The following UNC5D variants were observed in gnomAD, a reference collection of about 807,000 sequenced individuals.
The protein encoded by UNC5D is netrin receptor UNC5D.
UNC5D carries 39 observed loss-of-function variants against 105.4 expected under a neutral mutation model. The observed-to-expected ratio is 0.37, with a 90% CI of 0.29 to 0.48. The LOEUF (loss-of-function observed/expected upper bound fraction) is 0.48. UNC5D is among the 20% of genes least tolerant of loss of function. UNC5D has a pLI of 0.98. For missense variants in UNC5D, 991 were observed against 1,202.4 expected (o/e 0.82, Z 2.60); for synonymous variants, 452 against 450.4 (o/e 1.00, Z -0.04).
chr8:35,265,707 A>C (rs981580446), intron 1 of UNC5D, among the ~76,000 whole-genome samples: 3 of 151,920 alleles, frequency 2.0e-5, no homozygotes, highest in Non-Finnish European at 2.9e-5. Context: ...CTTCTCTACT[A>C]AAAATACAAA....
intron 8 of UNC5D, among the ~76,000 whole-genome samples, chr8:35,719,920 A>AT (rs1828484536): frequency 6.6e-6 from 1 of 152,086 alleles, no homozygotes; most frequent in Non-Finnish European, 1.5e-5. Context: ...AAATTTTATA[A>AT]TTTAGTATTT....
intron 1 of UNC5D, among the ~76,000 whole-genome samples, chr8:35,424,446 C>T (rs1172592429): frequency 6.6e-6 from 1 of 152,164 alleles, no homozygotes; most frequent in East Asian, 1.9e-4. Context: ...ATTTCAAGTG[C>T]TCAGTCACCC....
At chr8:35,441,032 T>C (rs143032124) in intron 1 of UNC5D, among the ~76,000 whole-genome samples, 1 of 152,052 alleles carries the variant, frequency 6.6e-6, no homozygotes, top group Non-Finnish European at 1.5e-5. Flanking sequence ...TGCAGGTCTT[T>C]GGGGCAGGCA....
chr8:35,544,079 A>G (rs1227779920), intron 1 of UNC5D, among the ~76,000 whole-genome samples: 1 of 152,202 alleles, frequency 6.6e-6, no homozygotes, highest in Non-Finnish European at 1.5e-5. Context: ...CAAGGCAGAT[A>G]ATTAAAGCAT....
At chr8:35,407,507 T>TTGTATGTATGTA (rs59074158) in intron 1 of UNC5D, among the ~76,000 whole-genome samples, 128 of 150,916 alleles carry the variant, frequency 8.5e-4, no homozygotes, top group African/African-American at 2.8e-3. Context: ...AGGTTTTCAT[T>TTGTATGTATGTA]TGTATGTATG....
intron 1 of UNC5D, among the ~76,000 whole-genome samples, chr8:35,375,846 G>A (rs13439296): frequency 0.052 from 7,916 of 152,158 alleles, 237 homozygotes; most frequent in African/African-American, 0.085. Context: ...AGAGCCCAGG[G>A]CAGTGCTTGG....
intron 11 of UNC5D, among the ~76,000 whole-genome samples, chr8:35,737,459 A>G (rs916494690): frequency 6.6e-6 from 1 of 152,060 alleles, no homozygotes; most frequent in Non-Finnish European, 1.5e-5. Flanking sequence ...GGGAATAAAC[A>G]TAGCTCTTTG....
intron 1 of UNC5D, among the ~76,000 whole-genome samples, chr8:35,535,973 T>G (rs1411842600): frequency 6.6e-6 from 1 of 152,202 alleles, no homozygotes; most frequent in African/African-American, 2.4e-5. Context: ...ATATCTTGCC[T>G]AAGATCACAC....
At chr8:35,776,588 G>A (rs1436256372) in intron 16 of UNC5D, among the ~76,000 whole-genome samples, 4 of 152,086 alleles carry the variant, frequency 2.6e-5, no homozygotes, top group Admixed American at 2.0e-4. Flanking sequence ...TGTGTCTGGG[G>A]CCATAAAACC....
At chr8:35,599,251 G>A (rs1019147206) in intron 4 of UNC5D, among the ~76,000 whole-genome samples, 5 of 151,764 alleles carry the variant, frequency 3.3e-5, no homozygotes, top group Non-Finnish European at 7.4e-5. Context: ...ATTGGTCAAA[G>A]GGTACAATAT....
intron 4 of UNC5D, among the ~76,000 whole-genome samples, chr8:35,598,569 A>T (rs950585882): frequency 1.5e-4 from 23 of 152,204 alleles, no homozygotes; most frequent in African/African-American, 5.5e-4. Flanking sequence ...AGCAAATGAA[A>T]TCAATATGTA....
chr8:35,349,262 G>A (rs1196810478), intron 1 of UNC5D, among the ~76,000 whole-genome samples: 2 of 151,854 alleles, frequency 1.3e-5, no homozygotes, highest in Non-Finnish European at 2.9e-5. Flanking sequence ...GACAATGTAG[G>A]AATCTGAAAC....
chr8:35,284,680 G>A (rs1243509249), intron 1 of UNC5D, among the ~76,000 whole-genome samples: 1 of 151,990 alleles, frequency 6.6e-6, no homozygotes, highest in East Asian at 1.9e-4. Flanking sequence ...TCAGCCTCCT[G>A]GATAGCTGAT....
chr8:35,648,462 T>C (rs1259057004), intron 4 of UNC5D, among the ~76,000 whole-genome samples: 1 of 152,062 alleles, frequency 6.6e-6, no homozygotes, highest in African/African-American at 2.4e-5. Flanking sequence ...GCAGATCACC[T>C]GAGGTCAGGA....
intron 1 of UNC5D, among the ~76,000 whole-genome samples, chr8:35,303,886 C>T (rs146328681): frequency 4.1e-4 from 63 of 152,222 alleles, no homozygotes; most frequent in African/African-American, 1.4e-3. Context: ...GTGCAGTTTA[C>T]TCAGGTTCTC....
intron 4 of UNC5D, among the ~76,000 whole-genome samples, chr8:35,602,536 A>G (rs972933824): frequency 5.9e-5 from 9 of 152,100 alleles, no homozygotes; most frequent in African/African-American, 1.9e-4. Flanking sequence ...GGGAGAGCGT[A>G]TGTGTCGAGG....
chr8:35,714,019 G>A (rs541260764), intron 8 of UNC5D, among the ~76,000 whole-genome samples: 28 of 152,326 alleles, frequency 1.8e-4, no homozygotes, highest in Admixed American at 1.8e-3. Flanking sequence ...CAGGGTTTGG[G>A]AAGTCATCCA....
chr8:35,500,338 C>T (rs985884203), intron 1 of UNC5D, among the ~76,000 whole-genome samples: 12 of 152,214 alleles, frequency 7.9e-5, no homozygotes, highest in Non-Finnish European at 1.2e-4. Flanking sequence ...AAGCCACTCC[C>T]ATGATAAGGA....
At chr8:35,630,590 C>A (rs1319314948) in intron 4 of UNC5D, among the ~76,000 whole-genome samples, 1 of 152,104 alleles carries the variant, frequency 6.6e-6, no homozygotes, top group African/African-American at 2.4e-5. Flanking sequence ...TCTCCAGGGA[C>A]CACATTGCAA....
Sources: allele counts gnomAD v4.1 joint callset (sites outside exome capture counted in the v4.1 genomes callset), GRCh38; gene constraint gnomAD v4.1.1; transcripts MANE v1.5; gene names NCBI Gene and HGNC (gene_info 2026-07-23, HGNC 2026-07-21).